DDHD1: variants seen among roughly 807,000 people sequenced by gnomAD.
DDHD1 encodes DDHD domain containing 1.
A neutral mutation model predicts 96.4 loss-of-function variants in DDHD1; 49 were observed. The observed-to-expected ratio is 0.51, with a 90% confidence interval of 0.40 to 0.64. The LOEUF (loss-of-function observed/expected upper bound fraction) is 0.64. Among genes scored for constraint, DDHD1 ranks in the 30% least tolerant of loss-of-function variants. DDHD1 has a pLI of 0.00. For missense variants in DDHD1, 1,106 were observed against 1,161.2 expected (o/e 0.95, Z 0.69); for synonymous variants, 442 against 446.5 (o/e 0.99, Z 0.13).
chr14:53,057,262 GAATA>G (rs1883133172), intron 9 of DDHD1, among the ~76,000 whole-genome samples: 1 of 152,046 alleles, frequency 6.6e-6, no homozygotes, highest in Non-Finnish European at 1.5e-5. Context: ...TTTTTTCAGA[GAATA>G]AATGCTATTT....
intron 2 of DDHD1, among the ~76,000 whole-genome samples, chr14:53,099,039 T>C (rs1887106164): frequency 6.6e-6 from 1 of 152,102 alleles, no homozygotes; most frequent in Non-Finnish European, 1.5e-5. Context: ...ATTTTTCTCT[T>C]TGTCCCATCT....
rs1595180098 is a variant in DDHD1 at position 53,103,570 on chromosome 14, ATTT to A, written c.1012+110_1012+112del. The A allele has an allele frequency of 5.6e-6, 5 of 893,484 alleles. No individual in the cohort carries two copies. In the East Asian group the frequency reaches 1.5e-4, roughly 26 times the overall value. The allele number at this position is 893,484 out of a possible 1,614,324, so 55.3% of individuals were successfully genotyped here. ...ATAATCAAATGTTTAAAAAAATCAA[ATTT>A]TCTAATTCTAAACCTCCTGAATTAT... On this transcript the variant is annotated intron_variant, in intron 2 of 12. Coordinates refer to ENST00000673822, the MANE Select transcript of DDHD1 (RefSeq NM_001160148.2).
intron 8 of DDHD1, 65 bp from the exon 9 acceptor site, chr14:53,058,691 G>T: frequency 2.7e-6 from 4 of 1,473,302 alleles, no homozygotes; most frequent in East Asian, 2.4e-5. Flanking sequence ...CAAAATTTGG[G>T]CATAACGTAA....
intron 6 of DDHD1, among the ~76,000 whole-genome samples, chr14:53,065,158 C>G (rs1322621850): frequency 6.6e-6 from 1 of 152,124 alleles, no homozygotes; most frequent in Non-Finnish European, 1.5e-5. Flanking sequence ...ATTTCCATAA[C>G]CACTGCTCAA....
chr14:53,087,150 A>T (rs1402334059), intron 4 of DDHD1, among the ~76,000 whole-genome samples: 1 of 152,114 alleles, frequency 6.6e-6, no homozygotes, highest in Non-Finnish European at 1.5e-5. Context: ...GAGCACCCAG[A>T]TTCATAAAGG....
At chr14:53,051,624 T>C (rs1595083995) in intron 12 of DDHD1, among the ~76,000 whole-genome samples, 1 of 151,982 alleles carries the variant, frequency 6.6e-6, no homozygotes, top group South Asian at 2.1e-4. Flanking sequence ...TACACAAATA[T>C]ACTTTAGCAC....
At chr14:53,104,894 C>T (rs913798204) in intron 1 of DDHD1, among the ~76,000 whole-genome samples, 4 of 151,916 alleles carry the variant, frequency 2.6e-5, no homozygotes, top group African/African-American at 7.3e-5. Context: ...TTTAAAACTC[C>T]GTCATTTGTA....
At chr14:53,113,776 G>T (rs1159905833) in intron 1 of DDHD1, among the ~76,000 whole-genome samples, 2 of 152,162 alleles carry the variant, frequency 1.3e-5, no homozygotes, top group Non-Finnish European at 2.9e-5. Context: ...CCAGGACCCT[G>T]GGCTTCAAGC....
intron 1 of DDHD1, chr14:53,149,653 T>C (rs1156745587): frequency 6.6e-6 from 1 of 152,240 alleles, no homozygotes; most frequent in Non-Finnish European, 1.5e-5. Context: ...TTGTATCTTG[T>C]AGAGAACTAT....
chr14:53,143,651 T>C (rs1187664238), intron 1 of DDHD1, among the ~76,000 whole-genome samples: 1 of 152,146 alleles, frequency 6.6e-6, no homozygotes, highest in East Asian at 1.9e-4. Flanking sequence ...AAGTAACTTG[T>C]GGAATGCTGA....
At chr14:53,137,227 G>A (rs1432395765) in intron 1 of DDHD1, among the ~76,000 whole-genome samples, 1 of 152,088 alleles carries the variant, frequency 6.6e-6, no homozygotes, top group Non-Finnish European at 1.5e-5. Context: ...ATAGCAACAG[G>A]ACATATTCAT....
chr14:53,152,624 C>T lies in DDHD1; in HGVS notation c.475G>A (p.Val159Ile). 1 of 1,613,538 alleles carries T rather than the reference C, an allele frequency of 6.2e-7. No individual in the cohort carries two copies. Among genetic ancestry groups the T allele is most frequent in the Non-Finnish European group, 8.5e-7 (1 of 1,179,940 alleles). ...TCCTCCGGGCCCAGCTCCGTCACTA[C>T]CTCATAGCGGTGCCGGGCCGCCGGG... ...GGPAARHRYEVVTELGPEEVR... is the reference protein window; with the variant it reads ...GGPAARHRYEIVTELGPEEVR... Residue 159 changes from valine (V) to isoleucine (I), a missense_variant, in exon 1 of 13, where the codon GTA (valine) becomes ATA (isoleucine). By Grantham distance (29) the Val-to-Ile change is conservative (BLOSUM62 3). Transcript: ENST00000673822.
At chr14:53,106,709 A>G (rs145164832) in intron 1 of DDHD1, among the ~76,000 whole-genome samples, 2 of 152,286 alleles carry the variant, frequency 1.3e-5, no homozygotes, top group East Asian at 3.9e-4. Context: ...TAATAATATA[A>G]TCTTTTTTCC....
intron 3 of DDHD1, 146 bp downstream of exon 3, chr14:53,093,170 T>TA (rs1202766962): frequency 1.4e-5 from 10 of 732,218 alleles, no homozygotes; most frequent in African/African-American, 3.7e-5. Context: ...ATCAACTTAA[T>TA]AAAAGTTTCA....
chr14:53,111,184 G>A (rs1336697597), intron 1 of DDHD1, among the ~76,000 whole-genome samples: 3 of 152,156 alleles, frequency 2.0e-5, no homozygotes, highest in Non-Finnish European at 2.9e-5. Context: ...GGCCGGGCGC[G>A]GTGGCTCACG....
In DDHD1 at chr14:53,152,442, C is replaced by G. The variant is rs768308854; in HGVS notation, c.657G>C (p.Thr219=). 1.9e-6 allele frequency: 3 copies of G among 1,613,552 alleles called. No individual in the cohort carries two copies. The Admixed American group carries it at 5.0e-5, about 27-fold the overall frequency. Residue 219 remains threonine (T), a synonymous_variant, in exon 1 of 13, where the codon ACG becomes ACC. Transcript: ENST00000673822. ...DRDGDHVCSP[T]GPASSSGEDD... ...CTTCTCCGGAACTGGAGGCTGGGCC[C>G]GTGGGGGAGCACACATGGTCGCCGT... is the stretch of plus-strand genomic sequence containing the variant.
rs148683795 is a variant in DDHD1, at chr14:53,132,644, T to C, written c.838+19617A>G. On this transcript the variant is annotated intron_variant, in intron 1 of 12. Coordinates refer to ENST00000673822, the MANE Select transcript of DDHD1 (RefSeq NM_001160148.2). Reference sequence around the variant, plus strand: ...ATGCCTTCCATATCCTGCACCACCATGCTGTTACATGGGCAGAAAGAGGTT... The same window carrying C: ...ATGCCTTCCATATCCTGCACCACCACGCTGTTACATGGGCAGAAAGAGGTT... Among the ~76,000 whole-genome samples, 1,337 of 152,298 alleles carry C rather than the reference T, an allele frequency of 8.8e-3. 22 individuals carry two copies. The highest frequency in any genetic ancestry group is 0.031 in the African/African-American group (1,282 of 41,564).
At chr14:53,073,211 A>G (rs1053590571) in intron 5 of DDHD1, among the ~76,000 whole-genome samples, 1 of 152,028 alleles carries the variant, frequency 6.6e-6, no homozygotes, top group African/African-American at 2.4e-5. Context: ...CTCTTTAAGG[A>G]AGACAACTAA....
intron 10 of DDHD1, among the ~76,000 whole-genome samples, chr14:53,055,154 A>C (rs1175993979): frequency 6.6e-6 from 1 of 152,208 alleles, no homozygotes; most frequent in African/African-American, 2.4e-5. Flanking sequence ...TTCAAATACC[A>C]CATAATCGAG....
Sources: gnomAD v4.1 joint callset for allele counts (sites outside exome capture counted in the v4.1 genomes callset) on GRCh38, gnomAD v4.1.1 for gene constraint, MANE v1.5 for transcripts, NCBI Gene and HGNC (gene_info 2026-07-23, HGNC 2026-07-21) for gene names.